Variants in ETNK2 observed in about 807,000 individuals in gnomAD.
ETNK2 encodes ethanolamine kinase 2, also known as ethanolamine kinase-like protein.
ETNK2 carries 33 observed loss-of-function variants against 46.2 expected under a neutral mutation model. The observed-to-expected ratio is 0.71, with a 90% CI of 0.54 to 0.96. The LOEUF (loss-of-function observed/expected upper bound fraction) is 0.96. Among genes scored for constraint, ETNK2 ranks in the 40% least tolerant of loss-of-function variants. ETNK2 has a pLI of 0.00. For synonymous variants in ETNK2, 194 were observed against 209.0 expected (o/e 0.93, Z 0.62); for missense variants, 445 against 509.7 (o/e 0.87, Z 1.22).
At chr1:204,139,649 C>T (rs1252760536) in intron 5 of ETNK2, among the ~76,000 whole-genome samples, 1 of 152,174 alleles carries the variant, frequency 6.6e-6, no homozygotes, top group Non-Finnish European at 1.5e-5. Flanking sequence ...GTGCTTTGAA[C>T]GTTGGTCAAA....
intron 3 of ETNK2, 98 bp downstream of exon 3, chr1:204,146,544 C>G: frequency 6.9e-7 from 1 of 1,445,156 alleles, no homozygotes; most frequent in South Asian, 1.3e-5. Flanking sequence ...TCCCCGAGAC[C>G]TAAGCCCTTA....
intron 2 of ETNK2, chr1:204,147,091 CCT>C: frequency 4.3e-6 from 2 of 460,338 alleles, no homozygotes; most frequent in East Asian, 1.1e-4. Flanking sequence ...CATAGCAACT[CCT>C]GAGAACAGAG....
At chr1:204,140,416 A>G (rs868659995) in intron 4 of ETNK2, among the ~76,000 whole-genome samples, 2 of 152,088 alleles carry the variant, frequency 1.3e-5, no homozygotes, top group Middle Eastern at 3.2e-3. Context: ...ATGGCTAAGG[A>G]TCAGGAATAA....
chr1:204,135,168 T>G (rs568462279), intron 6 of ETNK2, among the ~76,000 whole-genome samples: 2 of 152,230 alleles, frequency 1.3e-5, no homozygotes, highest in South Asian at 4.1e-4. Flanking sequence ...AACCTAGATA[T>G]GGAAACAAGA....
At chr1:204,134,373 G>A in intron 7 of ETNK2, 142 bp downstream of exon 7, 1 of 880,558 alleles carries the variant, frequency 1.1e-6, no homozygotes, top group Non-Finnish European at 1.7e-6. Flanking sequence ...TGGCCCCGCT[G>A]GAGATGAGCT....
chr1:204,139,695 C>A (rs796712949), intron 5 of ETNK2, among the ~76,000 whole-genome samples: 1 of 152,184 alleles, frequency 6.6e-6, no homozygotes, highest in South Asian at 2.1e-4. Flanking sequence ...GGGATACCTT[C>A]TGAGAAATGC....
intron 3 of ETNK2, among the ~76,000 whole-genome samples, chr1:204,144,367 A>AAAAAAAAAC (rs1657695865): frequency 6.7e-6 from 1 of 150,210 alleles, no homozygotes; most frequent in Admixed American, 6.7e-5. Context: ...AAAAAAAAAA[A>AAAAAAAAAC]AAGCCATTTC....
rs543210308 is a variant in ETNK2, at chr1:204,139,996, C to T, written c.868+39G>A. 26 of 1,564,272 alleles carry T rather than the reference C, an allele frequency of 1.7e-5. No homozygotes were observed. In the South Asian group the frequency reaches 1.8e-4, roughly 11 times the overall value. On this transcript the variant is annotated intron_variant, in intron 5 of 7. Coordinates refer to ENST00000367202, the MANE Select transcript of ETNK2 (RefSeq NM_018208.4). ...ATGCGGTCAGTCATTGACTGAAACA[C>T]CGCTACAAAGCACATGACTGTAGAA...
In ETNK2 at chr1:204,132,007, A is replaced by G; in HGVS notation, c.*177T>C. The stretch of plus-strand genomic sequence containing the variant: ...TCCTATCAGCCCCTCCAGACAGGAG[A>G]ATGAGGTCTTCAGTGGCAACCACTG... On this transcript the variant is annotated 3_prime_UTR_variant, in exon 8 of 8. Coordinates refer to ENST00000367202, the MANE Select transcript of ETNK2 (RefSeq NM_018208.4). 2 of 624,866 alleles carry G rather than the reference A, an allele frequency of 3.2e-6. No homozygotes were observed. Among genetic ancestry groups the G allele is most frequent in the Non-Finnish European group, 2.9e-6 (1 of 344,392 alleles). 38.7% of individuals were successfully genotyped at this position (624,866 alleles called of 1,614,324 possible).
At chr1:204,148,235 C>T (rs949865744) in intron 2 of ETNK2, among the ~76,000 whole-genome samples, 2 of 150,924 alleles carry the variant, frequency 1.3e-5, no homozygotes, top group South Asian at 2.2e-4. Context: ...ATCCCAATTT[C>T]GGGCTCTCCC....
chr1:204,150,105 G>A, intron 1 of ETNK2, 143 bp from the exon 2 acceptor site: 1 of 885,694 alleles, frequency 1.1e-6, no homozygotes, highest in Non-Finnish European at 1.7e-6. Context: ...CTTTAGCCCA[G>A]TCACTCATGC....
At chr1:204,139,527 C>T (rs531290464) in intron 5 of ETNK2, among the ~76,000 whole-genome samples, 1 of 152,174 alleles carries the variant, frequency 6.6e-6, no homozygotes. Flanking sequence ...GTGCCTTAAC[C>T]CCTTAAGCTG....
At chr1:204,136,954 G>A in intron 6 of ETNK2, 150 bp downstream of exon 6, 1 of 1,025,280 alleles carries the variant, frequency 9.8e-7, no homozygotes, top group Non-Finnish European at 1.4e-6. Flanking sequence ...CTCTTCCCAG[G>A]CTTCACCTCT....
At position 204,151,373 on chromosome 1, in the gene ETNK2, G is replaced by C. The variant is rs895105335; in HGVS notation, c.258+222C>G. The C allele has an allele frequency of 2.0e-5, 13 of 650,472 alleles. No individual in the cohort carries two copies. Among genetic ancestry groups the C allele is most frequent in the Non-Finnish European group, 2.0e-5 (8 of 401,308 alleles). The allele number at this position is 650,472 out of a possible 1,614,324, so 40.3% of individuals were successfully genotyped here. A position where few individuals can be genotyped will look rare whatever the true frequency, so the allele number is the denominator to read the frequency against. On this transcript the variant is annotated intron_variant, in intron 1 of 7. Coordinates refer to ENST00000367202, the MANE Select transcript of ETNK2 (RefSeq NM_018208.4). The surrounding 1 kb of genome is among the most constrained non-coding windows in gnomAD (Gnocchi z 8.0). Reference sequence around the variant, plus strand: ...GCAGGTGGCCACCAGGCGTGCCTAAGAGCCCCGGGAGGAGGGGGGCGTGTG... The same window carrying C: ...GCAGGTGGCCACCAGGCGTGCCTAACAGCCCCGGGAGGAGGGGGGCGTGTG...
chr1:204,143,678 A>G (rs970412441), intron 3 of ETNK2, among the ~76,000 whole-genome samples: 3 of 152,098 alleles, frequency 2.0e-5, no homozygotes, highest in African/African-American at 7.2e-5. Context: ...TCCTCCTGAT[A>G]TTGGGACTGC....
chr1:204,133,428 T>C (rs991719608), intron 7 of ETNK2, among the ~76,000 whole-genome samples: 1 of 152,172 alleles, frequency 6.6e-6, no homozygotes, highest in Non-Finnish European at 1.5e-5. Flanking sequence ...TATTTTCTGT[T>C]TTTTAACAGC....
In ETNK2 at chr1:204,137,257, G is replaced by A. The variant is rs757038635; in HGVS notation, c.869-8C>T. On this transcript the variant is annotated splice_polypyrimidine_tract_variant and splice_region_variant and intron_variant, in intron 5 of 7. Coordinates refer to ENST00000367202, the MANE Select transcript of ETNK2 (RefSeq NM_018208.4). ...AATCCACCTCATTCACGCCTGAGGG[G>A]GAGGCAGGCCAGACAAAGTTGCTCA... The A allele has an allele frequency of 1.9e-6, 3 of 1,613,060 alleles. No homozygotes were observed. Among genetic ancestry groups the A allele is most frequent in the East Asian group, 2.2e-5 (1 of 44,860 alleles).
chr1:204,134,827 GT>G, intron 6 of ETNK2: 1 of 869,846 alleles, frequency 1.1e-6, no homozygotes, highest in Middle Eastern at 3.1e-4. Flanking sequence ...AGGCCCTAAT[GT>G]TTACCAACCC....
At chr1:204,136,165 G>T (rs1657271515) in intron 6 of ETNK2, among the ~76,000 whole-genome samples, 1 of 152,304 alleles carries the variant, frequency 6.6e-6, no homozygotes, top group East Asian at 1.9e-4. Context: ...GGAGGCTGAG[G>T]TGGGAGGATC....
Sources: gnomAD v4.1 joint callset for allele counts (sites outside exome capture counted in the v4.1 genomes callset) on GRCh38, gnomAD v4.1.1 for gene constraint, Gnocchi (gnomAD v3.1) non-coding constraint, MANE v1.5 for transcripts, NCBI Gene and HGNC (gene_info 2026-07-23, HGNC 2026-07-21) for gene names.